The following NAV3 variants were observed in gnomAD, a reference collection of about 807,000 sequenced individuals.
NAV3 encodes neuron navigator 3.
Under a neutral mutation model 244.7 loss-of-function variants are expected in NAV3, and 87 were observed. The observed-to-expected ratio is 0.36, with a 90% CI of 0.30 to 0.42. The LOEUF (loss-of-function observed/expected upper bound fraction) is 0.42. NAV3 is among the 20% of genes least tolerant of loss of function. NAV3 has a pLI of 1.00. For missense variants in NAV3, 2,663 were observed against 2,893.3 expected (o/e 0.92, Z 1.83); for synonymous variants, 1,126 against 1,042.2 (o/e 1.08, Z -1.55).
intron 2 of NAV3, among the ~76,000 whole-genome samples, chr12:77,790,629 A>T (rs1287916737): frequency 1.3e-5 from 2 of 152,096 alleles, no homozygotes; most frequent in Non-Finnish European, 2.9e-5. Flanking sequence ...GTTTACTAGG[A>T]CTTCTCTTAA....
intron 1 of NAV3, among the ~76,000 whole-genome samples, chr12:77,901,973 T>C (rs1340705339): frequency 1.3e-5 from 2 of 152,190 alleles, no homozygotes; most frequent in African/African-American, 4.8e-5. Flanking sequence ...TGCTTAATAG[T>C]ACTTGGGGAA....
intron 3 of NAV3, among the ~76,000 whole-genome samples, chr12:77,945,744 TTTA>T (rs968257444): frequency 6.6e-6 from 1 of 151,878 alleles, no homozygotes. Flanking sequence ...GGTTACTTTA[TTTA>T]TTATTATTAT....
At chr12:77,769,102 CA>C (rs1404907230) in intron 2 of NAV3, among the ~76,000 whole-genome samples, 1 of 152,094 alleles carries the variant, frequency 6.6e-6, no homozygotes. Context: ...AAAACTGAGG[CA>C]TGGAAAGGTT....
intron 12 of NAV3, chr12:78,091,748 A>G (rs1953949760): frequency 2.1e-5 from 3 of 140,940 alleles, no homozygotes; most frequent in Non-Finnish European, 4.5e-5. Flanking sequence ...GTGAGCCGAG[A>G]TCCCGCCACT....
At chr12:77,789,810 C>T (rs1481303937) in intron 2 of NAV3, among the ~76,000 whole-genome samples, 4 of 89,144 alleles carry the variant, frequency 4.5e-5, no homozygotes, top group African/African-American at 1.8e-4. Context: ...AACTTCGTCT[C>T]GAAAAGAAAA....
chr12:77,726,969 C>G (rs769848257), intron 2 of NAV3, among the ~76,000 whole-genome samples: 2 of 151,876 alleles, frequency 1.3e-5, no homozygotes, highest in Non-Finnish European at 2.9e-5. Flanking sequence ...AGCTATAGAA[C>G]AGTTTTAATC....
Position 77,767,041 on chromosome 12 carries a change from T to C in NAV3, c.73-173278T>C, listed in dbSNP as rs148770565. ...TGCTGAGATTACAGGCATGAGCCAC[T>C]GTGCCCAGCCAAGAATTTTTTTACA... is the stretch of plus-strand genomic sequence containing the variant. On this transcript the variant is annotated intron_variant, in intron 2 of 8. Transcript: ENST00000550042. Among the ~76,000 whole-genome samples the C allele has an allele frequency of 4.0e-3, 613 of 152,254 alleles. 6 individuals carry two copies. Among genetic ancestry groups the C allele is most frequent in the African/African-American group, 0.014 (588 of 41,552 alleles).
intron 12 of NAV3, among the ~76,000 whole-genome samples, chr12:78,098,019 A>T (rs886625349): frequency 1.4e-4 from 21 of 152,250 alleles, no homozygotes; most frequent in African/African-American, 4.8e-4. Flanking sequence ...CTAAATTCTC[A>T]GATATCCAAA....
intron 2 of NAV3, among the ~76,000 whole-genome samples, chr12:77,796,248 T>C (rs1871402871): frequency 6.6e-6 from 1 of 152,170 alleles, no homozygotes; most frequent in African/African-American, 2.4e-5. Context: ...TGAAAAATGT[T>C]TATTTCAATC....
At chr12:77,593,555 T>G (rs959271437) in intron 2 of NAV3, among the ~76,000 whole-genome samples, 4 of 151,074 alleles carry the variant, frequency 2.6e-5, no homozygotes, top group Admixed American at 2.6e-4. Context: ...GTTCAAGCGA[T>G]TCTCCTGCCT....
intron 12 of NAV3, among the ~76,000 whole-genome samples, chr12:78,065,918 A>C (rs1041471961): frequency 7.2e-5 from 11 of 152,178 alleles, no homozygotes; most frequent in Admixed American, 7.2e-4. Context: ...GGAAGATAGA[A>C]GAATCTGGGA....
intron 7 of NAV3, among the ~76,000 whole-genome samples, chr12:77,999,680 T>G (rs1026710376): frequency 9.2e-5 from 14 of 152,148 alleles, no homozygotes; most frequent in Admixed American, 8.5e-4. Flanking sequence ...TATTTGGAAG[T>G]TAGGAATGTT....
At chr12:78,071,238 T>C (rs574024124) in intron 12 of NAV3, among the ~76,000 whole-genome samples, 3,142 of 152,258 alleles carry the variant, frequency 0.021, 44 homozygotes, top group Non-Finnish European at 0.031. Context: ...TTTTAATGAT[T>C]GCCATTCTAA....
At chr12:78,169,850 C>T (rs1299752362) in intron 24 of NAV3, among the ~76,000 whole-genome samples, 1 of 151,748 alleles carries the variant, frequency 6.6e-6, no homozygotes, top group Admixed American at 6.6e-5. Context: ...TCATTTCTTC[C>T]TATGTGAAAC....
chr12:78,139,338 T>C (rs1956508297), intron 19 of NAV3, among the ~76,000 whole-genome samples: 1 of 152,132 alleles, frequency 6.6e-6, no homozygotes, highest in Admixed American at 6.6e-5. Context: ...CATATGTCCT[T>C]GTAGTACCCA....
At chr12:77,708,986 T>C (rs1325835968) in intron 2 of NAV3, among the ~76,000 whole-genome samples, 2 of 152,170 alleles carry the variant, frequency 1.3e-5, no homozygotes, top group Non-Finnish European at 2.9e-5. Context: ...TTTCTAAATA[T>C]ACAATCATGT....
At chr12:77,682,632 G>C (rs990084180) in intron 2 of NAV3, among the ~76,000 whole-genome samples, 2 of 152,080 alleles carry the variant, frequency 1.3e-5, no homozygotes, top group African/African-American at 4.8e-5. Flanking sequence ...ATGTGCAAAG[G>C]TTCTCTTTTC....
intron 9 of NAV3, among the ~76,000 whole-genome samples, chr12:78,035,460 T>C (rs1212092192): frequency 6.6e-6 from 1 of 152,180 alleles, no homozygotes; most frequent in Non-Finnish European, 1.5e-5. Context: ...TGTGGTGGTA[T>C]AGTGTACGTA....
At chr12:77,882,202 C>G (rs920333758) in intron 1 of NAV3, among the ~76,000 whole-genome samples, 7 of 152,118 alleles carry the variant, frequency 4.6e-5, no homozygotes, top group Non-Finnish European at 8.8e-5. Flanking sequence ...GTAACCAAAA[C>G]AGCATGATAC....
Sources: gnomAD v4.1 joint callset for allele counts (sites outside exome capture counted in the v4.1 genomes callset) on GRCh38, gnomAD v4.1.1 for gene constraint, MANE v1.5 for transcripts, NCBI Gene and HGNC (gene_info 2026-07-23, HGNC 2026-07-21) for gene names.